NT5DC4: variants seen among roughly 807,000 people sequenced by gnomAD.
NT5DC4 encodes the protein 5'-nucleotidase domain-containing protein 4.
NT5DC4 carries 44 observed loss-of-function variants against 26.6 expected under a neutral mutation model. The observed-to-expected ratio is 1.65, with a 90% CI of 1.30 to 2.13. The LOEUF is 2.13. NT5DC4 is among the 30% of genes most tolerant of loss of function. The pLI, the probability that NT5DC4 is intolerant of heterozygous loss-of-function variation, is 0.00. For synonymous variants in NT5DC4, 157 were observed against 86.7 expected, an observed-to-expected ratio of 1.81 and a Z score of -4.51; for missense variants, 399 against 228.1, an observed-to-expected ratio of 1.75 and a Z score of -4.83.
chr2:112,719,904 TTTTCTTTC>T (rs1172710335), upstream of NT5DC4, among the ~76,000 whole-genome samples: 4 of 98,742 alleles, frequency 4.1e-5, no homozygotes, highest in African/African-American at 1.6e-4. Context: ...CTTTCTTTCT[TTTTCTTTC>T]TTTCTTTCTT....
chr2:112,741,023 C>A (rs1312716470), downstream of NT5DC4: 1 of 1,551,486 alleles, frequency 6.4e-7, no homozygotes, highest in Non-Finnish European at 8.8e-7. Context: ...TATGTAAGAT[C>A]ATGAAGGAAA....
At chr2:112,742,729 T>G (rs1339709476), downstream of NT5DC4, 2 of 1,607,918 alleles carry the variant, frequency 1.2e-6, no homozygotes, top group Non-Finnish European at 1.7e-6. Context: ...GTTTGAGTCT[T>G]GCAAGATATT....
rs59851361 is a variant in NT5DC4, at chr2:112,734,169, A to ATGTGTGTGTGTGTG, written c.1344+4485_1344+4498dup. On this transcript the variant is annotated intron_variant, in intron 16 of 16. Transcript: ENST00000688554. ...AAGTGTTTTCTATGCTATTATATAT[A>ATGTGTGTGTGTGTG]TGTGTGTGTGTGTGTGTGTGTGTGT... 2.0e-3 allele frequency among the ~76,000 whole-genome samples: 268 copies of ATGTGTGTGTGTGTG among 134,862 alleles called. 2 individuals carry two copies. The highest frequency in any genetic ancestry group is 3.8e-3 in the African/African-American group (134 of 35,332). 88.5% of individuals were successfully genotyped at this position (134,862 alleles called of 152,430 possible).
In NT5DC4 at chr2:112,722,806, C is replaced by T. The variant is rs1453851179; in HGVS notation, c.527+35C>T. ...GTGCCCTGCCCAGCCCTGGGACGAC[C>T]AGTAGGACACTGCTCAGGGACCAAA... On this transcript the variant is annotated intron_variant, in intron 6 of 16. Transcript: ENST00000688554. 9.8e-6 allele frequency: 7 copies of T among 715,196 alleles called. 1 individual carries two copies. Among genetic ancestry groups the T allele is most frequent in the South Asian group, 8.9e-5 (6 of 67,588 alleles). 44.3% of individuals were successfully genotyped at this position (715,196 alleles called of 1,614,324 possible). A position where few individuals can be genotyped will look rare whatever the true frequency, so the allele number is the denominator to read the frequency against.
At chr2:112,730,755 T>C (rs1558738991) in intron 16 of NT5DC4, among the ~76,000 whole-genome samples, 1 of 152,244 alleles carries the variant, frequency 6.6e-6, no homozygotes, top group Non-Finnish European at 1.5e-5. Flanking sequence ...CAGTATTTAC[T>C]GAGCACCTCC....
intron 15 of NT5DC4, among the ~76,000 whole-genome samples, chr2:112,729,232 T>C (rs1678160092): frequency 6.6e-6 from 1 of 152,120 alleles, no homozygotes; most frequent in South Asian, 2.1e-4. Flanking sequence ...AAGCAATTCT[T>C]GTGCCTCAGC....
At chr2:112,727,758 C>T (rs2104760028) in intron 15 of NT5DC4, among the ~76,000 whole-genome samples, 1 of 152,198 alleles carries the variant, frequency 6.6e-6, no homozygotes, top group Non-Finnish European at 1.5e-5. Context: ...CAGGCCTAAG[C>T]GGGCTGGGAT....
chr2:112,725,670 A>C (rs1032002275), intron 13 of NT5DC4, 118 bp downstream of exon 13: 2 of 550,314 alleles, frequency 3.6e-6, no homozygotes, highest in Non-Finnish European at 3.3e-6. Flanking sequence ...AATCCTGGCC[A>C]CTCTGTTGTT....
chr2:112,720,057 C>G (rs1332817049), upstream of NT5DC4, among the ~76,000 whole-genome samples: 4 of 126,078 alleles, frequency 3.2e-5, no homozygotes, highest in African/African-American at 1.2e-4. Context: ...TTTTCTTTCC[C>G]TTTTTATTGA....
chr2:112,740,390 T>C (rs1218146553), downstream of NT5DC4, among the ~76,000 whole-genome samples: 2 of 152,228 alleles, frequency 1.3e-5, no homozygotes, highest in African/African-American at 2.4e-5. Flanking sequence ...TAAATTACTA[T>C]GGATTCTGCC....
At chr2:112,732,359 T>C (rs1424474180) in intron 16 of NT5DC4, among the ~76,000 whole-genome samples, 4 of 151,936 alleles carry the variant, frequency 2.6e-5, no homozygotes. Context: ...CACTGGCCTG[T>C]GTCTTTACAG....
At position 112,725,201 on chromosome 2, in the gene NT5DC4, T is replaced by C; in HGVS notation, c.943T>C (p.Tyr315His). Reference sequence around the variant, plus strand: ...CTCAGGAAAGCTCCACGTGGGCACCTACACAGGGCCCCACCAGCACTGTGC... The same window carrying C: ...CTCAGGAAAGCTCCACGTGGGCACCCACACAGGGCCCCACCAGCACTGTGC... Reference protein sequence around the residue: ...EDSGKLHVGTYTGPHQHCAVY... With the variant: ...EDSGKLHVGTHTGPHQHCAVY... The change falls in exon 12 of 17, where the codon TAC becomes CAC. Residue 315 changes from tyrosine to histidine, a missense_variant. Physicochemically the swap from Tyr to His is moderately conservative, Grantham distance 83. Coordinates refer to ENST00000688554, the MANE Select transcript of NT5DC4 (RefSeq NM_001393655.1). 1.4e-6 allele frequency: 1 copy of C among 716,012 alleles called. No homozygotes were observed. The allele number at this position is 716,012 out of a possible 1,614,324, so 44.4% of individuals were successfully genotyped here. A position where few individuals can be genotyped will look rare whatever the true frequency, so the allele number is the denominator to read the frequency against.
intron 15 of NT5DC4, 102 bp downstream of exon 15, chr2:112,726,840 CCA>C (rs1677806580): frequency 4.3e-6 from 3 of 704,846 alleles, no homozygotes; most frequent in Non-Finnish European, 8.0e-6. Context: ...TGCCAAAGGC[CCA>C]GTTACCCCAT....
At chr2:112,722,446 C>CA in intron 4 of NT5DC4, 37 bp from the exon 5 acceptor site, 1 of 716,798 alleles carries the variant, frequency 1.4e-6, no homozygotes, top group African/African-American at 1.7e-5. Context: ...GACAGGCCTC[C>CA]AGGAGGCACT....
intron 16 of NT5DC4, among the ~76,000 whole-genome samples, chr2:112,731,921 T>G (rs141643333): frequency 2.8e-5 from 4 of 144,986 alleles, no homozygotes; most frequent in Admixed American, 2.7e-4. Context: ...AGTTTACTTT[T>G]TTTTTTTTTT....
At chr2:112,724,930 C>A in intron 11 of NT5DC4, 24 bp downstream of exon 11, 1 of 715,874 alleles carries the variant, frequency 1.4e-6, no homozygotes, top group South Asian at 1.5e-5. Context: ...CACCCATGGA[C>A]CACGGTTGGG....
chr2:112,722,257 A>G lies in NT5DC4; in HGVS notation c.341A>G (p.Tyr114Cys), dbSNP rs757833085. The G allele has an allele frequency of 4.2e-6, 3 of 716,974 alleles. No homozygotes were observed. The highest frequency in any genetic ancestry group is 7.8e-6 in the Non-Finnish European group (3 of 385,068). 44.4% of individuals were successfully genotyped at this position (716,974 alleles called of 1,614,324 possible). A position where few individuals can be genotyped will look rare whatever the true frequency, so the allele number is the denominator to read the frequency against. ...DAHGNVLLGA[Y>C]GFTFLSDLPL... ...CACGGGAATGTGCTGCTGGGTGCCT[A>G]TGGCTTCACCTTCCTCTCGGAGTAA... The change falls in exon 4 of 17, where the codon TAT (tyrosine) becomes TGT (cysteine). Residue 114 changes from tyrosine (Y) to cysteine (C), a missense_variant. Transcript: ENST00000688554.
chr2:112,720,194 T>C (rs894230404), upstream of NT5DC4, among the ~76,000 whole-genome samples: 1 of 144,650 alleles, frequency 6.9e-6, no homozygotes, highest in African/African-American at 2.6e-5. Context: ...TAATTTTTTT[T>C]TTCTCCTGCC....
At chr2:112,734,169 A>ATATGTGTGTGTGTGTGTGTG (rs150412692) in intron 16 of NT5DC4, among the ~76,000 whole-genome samples, 86 of 134,866 alleles carry the variant, frequency 6.4e-4, no homozygotes, top group South Asian at 2.3e-3. Context: ...TATTATATAT[A>ATATGTGTGTGTGTGTGTGTG]TGTGTGTGTG....
Sources: allele counts gnomAD v4.1 joint callset (sites outside exome capture counted in the v4.1 genomes callset), GRCh38; gene constraint gnomAD v4.1.1; transcripts MANE v1.5; gene names NCBI Gene and HGNC (gene_info 2026-07-23, HGNC 2026-07-21).